ZNF701: variants seen among roughly 807,000 people sequenced by gnomAD.
ZNF701 encodes the protein zinc finger protein 701.
A neutral mutation model predicts 7.1 loss-of-function variants in ZNF701; 6 were observed. The ratio of observed to expected loss-of-function variants is 0.84; its 90% CI spans 0.46 to 1.66. The LOEUF is 1.66. ZNF701 is among the 40% of genes most tolerant of loss of function. The pLI is 0.01. For synonymous variants in ZNF701, 166 were observed against 188.2 expected, an observed-to-expected ratio of 0.88 and a Z score of 0.97; for missense variants, 541 against 559.2, an observed-to-expected ratio of 0.97 and a Z score of 0.33.
intron 1 of ZNF701, 123 bp from the exon 2 acceptor site, chr19:52,573,954 G>C: frequency 5.1e-6 from 5 of 989,546 alleles, no homozygotes; most frequent in Non-Finnish European, 5.9e-6. Context: ...ATTATCCCTG[G>C]TGCAGTGGGC....
chr19:52,572,362 T>C, intron 1 of ZNF701: 1 of 1,288,890 alleles, frequency 7.8e-7, no homozygotes, highest in Non-Finnish European at 1.0e-6. Context: ...GCCTCCCTGT[T>C]TTGAAGGTAA....
At chr19:52,578,368 G>A (rs552167555) in intron 3 of ZNF701, among the ~76,000 whole-genome samples, 3 of 151,396 alleles carry the variant, frequency 2.0e-5, no homozygotes, top group South Asian at 2.1e-4. Flanking sequence ...CTATGATCAC[G>A]TGACTTGCTT....
chr19:52,576,148 A>T, intron 3 of ZNF701, 127 bp downstream of exon 3: 1 of 1,562,472 alleles, frequency 6.4e-7, no homozygotes, highest in Non-Finnish European at 8.6e-7. Context: ...AGAAATGAAA[A>T]GCTTCATGAT....
At chr19:52,592,675 C>T in the ZNF701 span, among the ~76,000 whole-genome samples, 1 of 152,228 alleles carries the variant, frequency 6.6e-6, no homozygotes, top group African/African-American at 2.4e-5. Context: ...TTGCAACCTC[C>T]ACCTTCTGGG....
chr19:52,588,667 A>C, downstream of ZNF701: 2 of 323,058 alleles, frequency 6.2e-6, no homozygotes, highest in Non-Finnish European at 1.2e-5. Context: ...CTTAAATACC[A>C]GGTATTGTGG....
In ZNF701 at chr19:52,577,676, C is replaced by A. The variant is rs538075990; in HGVS notation, c.142+1655C>A. 3.0e-3 allele frequency among the ~76,000 whole-genome samples: 459 copies of A among 152,088 alleles called. 3 individuals carry two copies. The highest frequency in any genetic ancestry group is 0.011 in the African/African-American group (440 of 41,464). On this transcript the variant is annotated intron_variant, in intron 3 of 3. Coordinates refer to ENST00000391785, the MANE Select transcript of ZNF701 (RefSeq NM_018260.3). ...AGGGGTCCTTGGTCAAGCGGTAACA[C>A]CAGTGTCTGGGAAGGCACCCGTTAC...
chr19:52,574,966 G>GTGTT (rs753295330), intron 2 of ZNF701, among the ~76,000 whole-genome samples: 2 of 148,454 alleles, frequency 1.3e-5, no homozygotes, highest in Non-Finnish European at 3.0e-5. Context: ...ATATATATTT[G>GTGTT]TGTTTGTTTG....
At position 52,583,527 on chromosome 19, in the gene ZNF701, A is replaced by G; in HGVS notation, c.*70A>G. 2 of 1,602,514 alleles carry G rather than the reference A, an allele frequency of 1.2e-6. No individual in the cohort carries two copies. The highest frequency in any genetic ancestry group is 1.7e-6 in the Non-Finnish European group (2 of 1,170,876). On this transcript the variant is annotated 3_prime_UTR_variant, in exon 4 of 4. Coordinates refer to ENST00000391785, the MANE Select transcript of ZNF701 (RefSeq NM_018260.3). ...TGTCATCATAGACTTTATACTGGAGAGAAACCTTACAAATGTGAAGAATGT... is the reference window on the plus strand; with the variant it reads ...TGTCATCATAGACTTTATACTGGAGGGAAACCTTACAAATGTGAAGAATGT...
intron 3 of ZNF701, among the ~76,000 whole-genome samples, chr19:52,580,583 A>G (rs967690670): frequency 1.3e-5 from 2 of 152,204 alleles, no homozygotes; most frequent in African/African-American, 4.8e-5. Flanking sequence ...TACATCAGAA[A>G]GTAGTGACCT....
intron 2 of ZNF701, among the ~76,000 whole-genome samples, chr19:52,574,820 G>A (rs2059922734): frequency 6.6e-6 from 1 of 152,150 alleles, no homozygotes. Flanking sequence ...TTACTGTGGA[G>A]AGGCTTTTGA....
chr19:52,576,413 T>C (rs944952883), intron 3 of ZNF701, among the ~76,000 whole-genome samples: 3 of 152,026 alleles, frequency 2.0e-5, no homozygotes, highest in African/African-American at 4.8e-5. Flanking sequence ...TCGTGGTGCA[T>C]GCCTGTAATC....
intron 1 of ZNF701, chr19:52,573,017 C>G (rs2059910828): frequency 3.8e-6 from 1 of 263,746 alleles, no homozygotes; most frequent in Admixed American, 5.0e-5. Flanking sequence ...GCCCATCAGT[C>G]TCTATCACAT....
intron 3 of ZNF701, among the ~76,000 whole-genome samples, chr19:52,576,311 C>T (rs1054319589): frequency 3.3e-5 from 5 of 152,064 alleles, no homozygotes; most frequent in East Asian, 3.9e-4. Flanking sequence ...GAGGCTGAGG[C>T]GTGTGGATCA....
At chr19:52,597,217 A>G in the ZNF701 span, 57 of 554,926 alleles carry the variant, frequency 1.0e-4, no homozygotes, top group African/African-American at 8.7e-4. Flanking sequence ...GCTTCATCCT[A>G]TGCAAAACAT....
downstream of ZNF701, chr19:52,588,527 C>A: frequency 3.2e-6 from 1 of 311,650 alleles, no homozygotes; most frequent in South Asian, 3.4e-5. Context: ...TTTTTTTACA[C>A]ACAGGATTGA....
At chr19:52,589,120 C>T (rs372737869), downstream of ZNF701, among the ~76,000 whole-genome samples, 34 of 152,322 alleles carry the variant, frequency 2.2e-4, no homozygotes, top group South Asian at 6.4e-3. Context: ...TCTTTTACAT[C>T]TGGGAAGATT....
At chr19:52,596,107 A>C in the ZNF701 span, 3 of 1,008,606 alleles carry the variant, frequency 3.0e-6, no homozygotes, top group Middle Eastern at 2.2e-4. Context: ...ACATGAGGGA[A>C]AAACCTTTCC....
the ZNF701 span, chr19:52,592,299 C>G: frequency 1.4e-6 from 2 of 1,435,198 alleles, no homozygotes; most frequent in African/African-American, 1.4e-5. Flanking sequence ...GTTTTGTATT[C>G]TCTTTTGTGA....
At chr19:52,576,740 TC>T (rs370206880) in intron 3 of ZNF701, among the ~76,000 whole-genome samples, 9 of 152,240 alleles carry the variant, frequency 5.9e-5, no homozygotes, top group Non-Finnish European at 1.2e-4. Flanking sequence ...ACCTGTAATG[TC>T]TTCTTTCCTA....
Sources: gnomAD v4.1 joint callset for allele counts (sites outside exome capture counted in the v4.1 genomes callset) on GRCh38, gnomAD v4.1.1 for gene constraint, MANE v1.5 for transcripts, NCBI Gene and HGNC (gene_info 2026-07-23, HGNC 2026-07-21) for gene names.